The following MARCHF1 variants were observed in gnomAD, a reference collection of about 807,000 sequenced individuals.
MARCHF1 encodes E3 ubiquitin-protein ligase MARCHF1.
In MARCHF1, 40 loss-of-function variants were observed where a neutral mutation model predicts 54.2. The observed-to-expected ratio is 0.74, with a 90% CI of 0.57 to 0.96. MARCHF1 has a LOEUF of 0.96. Among genes scored for constraint, MARCHF1 ranks in the 40% least tolerant of loss-of-function variants. MARCHF1 has a pLI of 0.00. For missense variants in MARCHF1, 586 were observed against 656.5 expected (o/e 0.89, Z 1.17); for synonymous variants, 236 against 236.3 (o/e 1.00, Z 0.01).
chr4:163,844,880 C>A (rs1045406317), intron 4 of MARCHF1, among the ~76,000 whole-genome samples: 2 of 152,170 alleles, frequency 1.3e-5, no homozygotes, highest in Non-Finnish European at 2.9e-5. Flanking sequence ...GATGGAGAAT[C>A]AGCAGAGTAA....
intron 4 of MARCHF1, among the ~76,000 whole-genome samples, chr4:163,711,592 C>T (rs2111257660): frequency 1.3e-5 from 2 of 152,224 alleles, no homozygotes; most frequent in African/African-American, 2.4e-5. Flanking sequence ...AGTAATTATC[C>T]CTTCCTTGAA....
chr4:163,549,712 C>T (rs1194210465), intron 8 of MARCHF1, among the ~76,000 whole-genome samples: 2 of 147,868 alleles, frequency 1.4e-5, no homozygotes, highest in African/African-American at 2.5e-5. Flanking sequence ...AGCCACTAAA[C>T]AATAGAAAGA....
intron 3 of MARCHF1, among the ~76,000 whole-genome samples, chr4:163,855,827 T>C (rs1426963693): frequency 6.6e-6 from 1 of 152,212 alleles, no homozygotes; most frequent in Non-Finnish European, 1.5e-5. Context: ...ATTTAGATTC[T>C]TTTTGATGCT....
chr4:164,076,342 C>A (rs565357714), intron 2 of MARCHF1, among the ~76,000 whole-genome samples: 1 of 152,196 alleles, frequency 6.6e-6, no homozygotes, highest in Non-Finnish European at 1.5e-5. Context: ...ATTCAACAAA[C>A]CTTCATGCTA....
chr4:163,885,469 A>G (rs1192348790), intron 3 of MARCHF1, among the ~76,000 whole-genome samples: 2 of 152,170 alleles, frequency 1.3e-5, no homozygotes, highest in East Asian at 3.8e-4. Flanking sequence ...TAGGAACATT[A>G]TAGGTACAAA....
intron 4 of MARCHF1, among the ~76,000 whole-genome samples, chr4:163,701,190 T>A (rs758918713): frequency 2.6e-5 from 4 of 152,192 alleles, no homozygotes; most frequent in Non-Finnish European, 5.9e-5. Flanking sequence ...AAAACTGTAG[T>A]CTACCATTTC....
At chr4:164,111,286 C>T (rs1362527590) in intron 2 of MARCHF1, among the ~76,000 whole-genome samples, 1 of 151,558 alleles carries the variant, frequency 6.6e-6, no homozygotes, top group Non-Finnish European at 1.5e-5. Flanking sequence ...ATATATTTGC[C>T]AAGGTCAAGC....
intron 5 of MARCHF1, among the ~76,000 whole-genome samples, chr4:163,683,015 T>C (rs879517007): frequency 5.3e-5 from 8 of 152,214 alleles, no homozygotes; most frequent in Non-Finnish European, 1.0e-4. Context: ...CAGTATATTT[T>C]GATAATTTTT....
intron 1 of MARCHF1, among the ~76,000 whole-genome samples, chr4:164,267,562 A>G (rs375481976): frequency 3.3e-5 from 5 of 152,280 alleles, no homozygotes; most frequent in East Asian, 1.9e-4. Flanking sequence ...ACTGAATCTA[A>G]CTAAGAACCA....
intron 1 of MARCHF1, among the ~76,000 whole-genome samples, chr4:164,146,532 A>T (rs1729747670): frequency 1.3e-5 from 2 of 152,214 alleles, no homozygotes; most frequent in Non-Finnish European, 2.9e-5. Flanking sequence ...ATCTACAAGT[A>T]TCTGATCTTT....
At chr4:164,276,955 G>T (rs770327589) in intron 1 of MARCHF1, among the ~76,000 whole-genome samples, 37,104 of 108,226 alleles carry the variant, frequency 0.34, 5,482 homozygotes, top group African/African-American at 0.4. Flanking sequence ...TATAGAGAGA[G>T]AGAGAGAGAG....
chr4:163,709,311 C>T lies in MARCHF1; in HGVS notation c.112-8448G>A, dbSNP rs531797668. Among the ~76,000 whole-genome samples, 9 of 152,218 alleles carry T rather than the reference C, an allele frequency of 5.9e-5. No homozygotes were observed. In the South Asian group the frequency reaches 6.2e-4, roughly 11 times the overall value. On this transcript the variant is annotated intron_variant, in intron 4 of 9. Transcript: ENST00000514618. ...TTGTTTTAGGCCAGGCAAGCAGGCT[C>T]ATACCTGTAATCCCAGCACTTTGGG...
chr4:164,252,088 AT>A (rs1733145994), intron 1 of MARCHF1, among the ~76,000 whole-genome samples: 1 of 152,198 alleles, frequency 6.6e-6, no homozygotes, highest in African/African-American at 2.4e-5. Context: ...ACATATGAGT[AT>A]TTAAAAAATC....
At chr4:164,026,255 T>C (rs1391465138) in intron 2 of MARCHF1, among the ~76,000 whole-genome samples, 1 of 152,072 alleles carries the variant, frequency 6.6e-6, no homozygotes, top group Non-Finnish European at 1.5e-5. Context: ...ATCAGCTTGA[T>C]ACCAAAATCT....
chr4:163,585,707 TG>T, intron 8 of MARCHF1, 41 bp downstream of exon 8: 1 of 1,435,922 alleles, frequency 7.0e-7, no homozygotes. Flanking sequence ...AAGTCTGCTT[TG>T]CAAATGGTCC....
intron 3 of MARCHF1, among the ~76,000 whole-genome samples, chr4:163,980,868 A>C (rs920061134): frequency 6.6e-6 from 1 of 152,226 alleles, no homozygotes; most frequent in Non-Finnish European, 1.5e-5. Flanking sequence ...TTTTGAATAA[A>C]ATTGGAAAGT....
intron 1 of MARCHF1, among the ~76,000 whole-genome samples, chr4:164,379,977 T>TA: frequency 6.9e-6 from 1 of 145,156 alleles, no homozygotes. Flanking sequence ...AACAACATGT[T>TA]GAAAAAAAAA....
At chr4:163,558,808 T>A (rs1739378392) in intron 8 of MARCHF1, among the ~76,000 whole-genome samples, 1 of 152,216 alleles carries the variant, frequency 6.6e-6, no homozygotes, top group Non-Finnish European at 1.5e-5. Flanking sequence ...GAGCAGCTTG[T>A]GGCCCCCACA....
chr4:163,954,609 A>G (rs1195912655), intron 3 of MARCHF1, among the ~76,000 whole-genome samples: 1 of 152,188 alleles, frequency 6.6e-6, no homozygotes, highest in African/African-American at 2.4e-5. Flanking sequence ...TATAGCCATG[A>G]TTTTATTTAT....
Sources: allele counts gnomAD v4.1 joint callset (sites outside exome capture counted in the v4.1 genomes callset), GRCh38; gene constraint gnomAD v4.1.1; transcripts MANE v1.5; gene names NCBI Gene and HGNC (gene_info 2026-07-23, HGNC 2026-07-21).